Variants in SLC2A2 observed in about 807,000 individuals in gnomAD.
SLC2A2 encodes the protein solute carrier family 2 member 2, also known as solute carrier family 2, facilitated glucose transporter member 2.
In SLC2A2, 36 loss-of-function variants were observed where a neutral mutation model predicts 54.5. The observed-to-expected ratio is 0.66, with a 90% CI of 0.51 to 0.87. The LOEUF is 0.87. SLC2A2 is among the 40% of genes least tolerant of loss of function. The pLI, the probability that SLC2A2 is intolerant of heterozygous loss-of-function variation, is 0.00. For synonymous variants in SLC2A2, 223 were observed against 219.1 expected, an observed-to-expected ratio of 1.02 and a Z score of -0.16; for missense variants, 543 against 624.3, an observed-to-expected ratio of 0.87 and a Z score of 1.39.
chr3:171,014,876 A>C (rs1268426915), intron 2 of SLC2A2, 145 bp from the exon 3 acceptor site: 1 of 687,802 alleles, frequency 1.5e-6, no homozygotes, highest in South Asian at 1.8e-5. Context: ...ATTTGTTTAC[A>C]GTTGGCCATA....
intron 2 of SLC2A2, 104 bp from the exon 3 acceptor site, chr3:171,014,835 ATG>A (rs1716065063): frequency 1.1e-6 from 1 of 882,710 alleles, no homozygotes; most frequent in South Asian, 1.5e-5. Flanking sequence ...CATCTCAATT[ATG>A]TGTTTTATAT....
At chr3:171,019,052 TTGA>T (rs1313870424) in intron 1 of SLC2A2, among the ~76,000 whole-genome samples, 2 of 148,332 alleles carry the variant, frequency 1.3e-5, no homozygotes, top group Non-Finnish European at 3.0e-5. Context: ...TATATATTTG[TTGA>T]TATGTGTGTG....
At chr3:171,014,393 A>G in intron 3 of SLC2A2, 76 bp downstream of exon 3, 1 of 1,483,678 alleles carries the variant, frequency 6.7e-7, no homozygotes, top group Middle Eastern at 1.7e-4. Flanking sequence ...AAGAAAGATA[A>G]TATTTTTCTA....
intron 1 of SLC2A2, among the ~76,000 whole-genome samples, chr3:171,022,642 G>C (rs1283559357): frequency 1.3e-5 from 2 of 152,130 alleles, no homozygotes; most frequent in Admixed American, 1.3e-4. Flanking sequence ...GTTTATTAGT[G>C]ACTGTCACCT....
At chr3:171,002,441 G>A in intron 8 of SLC2A2, 135 bp downstream of exon 8, 1 of 696,028 alleles carries the variant, frequency 1.4e-6, no homozygotes, top group South Asian at 1.5e-5. Context: ...CTCTTCTCAT[G>A]ACTCACTTGG....
chr3:171,007,915 T>A (rs1715686686), intron 4 of SLC2A2, among the ~76,000 whole-genome samples: 1 of 152,102 alleles, frequency 6.6e-6, no homozygotes, highest in African/African-American at 2.4e-5. Flanking sequence ...AAAATTTTAT[T>A]TGAAGAAAGA....
At position 170,997,729 on chromosome 3, in the gene SLC2A2, T is replaced by C. The variant is rs1347221002; in HGVS notation, c.*174A>G. On this transcript the variant is annotated 3_prime_UTR_variant, in exon 11 of 11. Coordinates refer to ENST00000314251, the MANE Select transcript of SLC2A2 (RefSeq NM_000340.2). Reference sequence around the variant, plus strand: ...TTACAGTCTTACCATCAAAAATATATTCTCTAACTTAAAAAAATACTTTTT... The same window carrying C: ...TTACAGTCTTACCATCAAAAATATACTCTCTAACTTAAAAAAATACTTTTT... 3.2e-6 allele frequency: 2 copies of C among 633,476 alleles called. No individual in the cohort carries two copies. The highest frequency in any genetic ancestry group is 1.8e-5 in the African/African-American group (1 of 54,296). 39.2% of individuals were successfully genotyped at this position (633,476 alleles called of 1,614,324 possible).
In SLC2A2 at chr3:171,002,643, C is replaced by T. The variant is rs763345848; in HGVS notation, c.1001G>A (p.Gly334Asp). 8.7e-6 allele frequency: 14 copies of T among 1,609,828 alleles called. No individual in the cohort carries two copies. Among genetic ancestry groups the T allele is most frequent in the East Asian group, 6.7e-5 (3 of 44,778 alleles). The change falls in exon 8 of 11, where the codon GGT becomes GAT. Residue 334 changes from glycine to aspartate, a missense_variant. By Grantham distance (94) the Gly-to-Asp change is moderately conservative. This residue lies in a region of SLC2A2 where 117 missense variants were observed against 179.2 expected (regional missense o/e 0.65). Coordinates refer to ENST00000314251, the MANE Select transcript of SLC2A2 (RefSeq NM_000340.2). ...YYSTSIFQTA[G>D]ISKPVYATIG... is the part of the protein sequence containing the mutation. ...GGTTGCATAAACAGGTTTGCTGATA[C>T]CAGCCGTCTGAAAAATGCTGGTTGA...
At chr3:171,004,151 C>T (rs1159799533) in intron 7 of SLC2A2, among the ~76,000 whole-genome samples, 1 of 152,002 alleles carries the variant, frequency 6.6e-6, no homozygotes, top group Non-Finnish European at 1.5e-5. Flanking sequence ...AGGCCTACAG[C>T]ACGCTTCACA....
At chr3:171,004,604 T>A (rs63367360) in intron 7 of SLC2A2, among the ~76,000 whole-genome samples, 9 of 149,994 alleles carry the variant, frequency 6.0e-5, no homozygotes, top group East Asian at 1.9e-4. Flanking sequence ...TTTTTTTTTT[T>A]AATCTAGTTT....
chr3:171,006,242 A>T, intron 5 of SLC2A2, 137 bp from the exon 6 acceptor site: 1 of 691,352 alleles, frequency 1.4e-6, no homozygotes, highest in Non-Finnish European at 2.4e-6. Flanking sequence ...GGAAACTGTT[A>T]CTATTGTATC....
chr3:171,006,936 T>G (rs1715637792), intron 5 of SLC2A2, among the ~76,000 whole-genome samples: 1 of 151,972 alleles, frequency 6.6e-6, no homozygotes, highest in African/African-American at 2.4e-5. Context: ...AATTTACCTT[T>G]GAACGAAAAA....
intron 8 of SLC2A2, among the ~76,000 whole-genome samples, chr3:171,000,555 C>T (rs1715292213): frequency 6.7e-6 from 1 of 148,474 alleles, no homozygotes; most frequent in Non-Finnish European, 1.5e-5. Context: ...TCACGCAAAT[C>T]CTGGGCTCTT....
chr3:171,019,361 A>G (rs1340366622), intron 1 of SLC2A2, among the ~76,000 whole-genome samples: 1 of 151,942 alleles, frequency 6.6e-6, no homozygotes, highest in Non-Finnish European at 1.5e-5. Flanking sequence ...TTCCGCATCA[A>G]CATCCAGGGA....
chr3:171,010,184 AT>A, intron 3 of SLC2A2, 102 bp from the exon 4 acceptor site: 1 of 1,232,340 alleles, frequency 8.1e-7, no homozygotes, highest in African/African-American at 1.5e-5. Flanking sequence ...AAGAGCAATT[AT>A]TTTAATTTTG....
At chr3:171,010,175 A>G (rs1715820190) in intron 3 of SLC2A2, 93 bp from the exon 4 acceptor site, 1 of 1,302,790 alleles carries the variant, frequency 7.7e-7, no homozygotes, top group Non-Finnish European at 1.1e-6. Flanking sequence ...TTTTAACCTA[A>G]GAGCAATTAT....
rs754406000 is a variant in SLC2A2, at chr3:170,998,419, T to C, written c.1171-23A>G. 5.7e-6 allele frequency: 9 copies of C among 1,591,080 alleles called. No homozygotes were observed. The South Asian group carries it at 7.7e-5, about 14-fold the overall frequency. ...ATTCTGAGGAAAAAAACAAAAACAA[T>C]AGTGGGACTGAGATCATTTGGCTGC... On this transcript the variant is annotated intron_variant, in intron 9 of 10. Transcript: ENST00000314251.
intron 8 of SLC2A2, among the ~76,000 whole-genome samples, chr3:171,000,470 T>G: frequency 6.6e-6 from 1 of 151,570 alleles, no homozygotes; most frequent in East Asian, 1.9e-4. Context: ...TCAGGATGAG[T>G]GTGACAAGGA....
At chr3:171,000,400 C>T (rs1336909058) in intron 8 of SLC2A2, among the ~76,000 whole-genome samples, 1 of 152,068 alleles carries the variant, frequency 6.6e-6, no homozygotes, top group Non-Finnish European at 1.5e-5. Flanking sequence ...TTACTATAAA[C>T]TCTAAAACTG....
Sources: allele counts gnomAD v4.1 joint callset (sites outside exome capture counted in the v4.1 genomes callset), GRCh38; gene constraint gnomAD v4.1.1; regional missense constraint gnomAD v4.1.1; transcripts MANE v1.5; gene names NCBI Gene and HGNC (gene_info 2026-07-23, HGNC 2026-07-21).